GFRA1: variants seen among roughly 807,000 people sequenced by gnomAD.
GFRA1 encodes GDNF family receptor alpha 1.
GFRA1 carries 16 observed loss-of-function variants against 51.6 expected under a neutral mutation model. The ratio of observed to expected loss-of-function variants is 0.31; its 90% CI spans 0.21 to 0.47. The LOEUF is 0.47. GFRA1 is among the 20% of genes least tolerant of loss of function. GFRA1 has a pLI of 1.00. For missense variants in GFRA1, 530 were observed against 594.3 expected, an observed-to-expected ratio of 0.89 and a Z score of 1.13; for synonymous variants, 270 against 241.3, an observed-to-expected ratio of 1.12 and a Z score of -1.10.
At chr10:116,079,730 A>G (rs1955769994) in intron 9 of GFRA1, among the ~76,000 whole-genome samples, 1 of 152,136 alleles carries the variant, frequency 6.6e-6, no homozygotes, top group Non-Finnish European at 1.5e-5. Flanking sequence ...GCCAATGTCG[A>G]GGAAGCCTGG....
At chr10:116,217,502 T>A (rs1965642478) in intron 4 of GFRA1, among the ~76,000 whole-genome samples, 1 of 152,234 alleles carries the variant, frequency 6.6e-6, no homozygotes, top group Admixed American at 6.5e-5. Flanking sequence ...TTTCCTCACT[T>A]GTAAAATGAG....
At chr10:116,111,877 C>T (rs1241340686) in intron 6 of GFRA1, among the ~76,000 whole-genome samples, 1 of 152,182 alleles carries the variant, frequency 6.6e-6, no homozygotes, top group Non-Finnish European at 1.5e-5. Flanking sequence ...CTGAGCCCAC[C>T]CTTCCCCACG....
chr10:116,105,371 C>CTT (rs1956967971), intron 6 of GFRA1, among the ~76,000 whole-genome samples: 1 of 152,136 alleles, frequency 6.6e-6, no homozygotes, highest in African/African-American at 2.4e-5. Flanking sequence ...AACTCTAGAC[C>CTT]AACACAGTGT....
At chr10:116,167,817 A>T (rs1234193361) in intron 5 of GFRA1, among the ~76,000 whole-genome samples, 1 of 152,150 alleles carries the variant, frequency 6.6e-6, no homozygotes, top group Non-Finnish European at 1.5e-5. Context: ...TACATCCATG[A>T]TCCTCAAAGA....
chr10:116,153,580 AT>A, intron 5 of GFRA1, among the ~76,000 whole-genome samples: 1 of 152,286 alleles, frequency 6.6e-6, no homozygotes, highest in African/African-American at 2.4e-5. Flanking sequence ...TTATTTGAGA[AT>A]CCTTTAAAAA....
At chr10:116,162,823 T>C (rs1335563652) in intron 5 of GFRA1, among the ~76,000 whole-genome samples, 2 of 152,194 alleles carry the variant, frequency 1.3e-5, no homozygotes, top group Non-Finnish European at 2.9e-5. Flanking sequence ...AAAAGGACTA[T>C]GACTTAGAAC....
At chr10:116,110,452 C>T (rs1450720469) in intron 6 of GFRA1, among the ~76,000 whole-genome samples, 1 of 152,162 alleles carries the variant, frequency 6.6e-6, no homozygotes, top group Non-Finnish European at 1.5e-5. Context: ...GGACACTCTC[C>T]CTCATGGGTT....
At chr10:116,185,603 G>A (rs1396807331) in intron 5 of GFRA1, among the ~76,000 whole-genome samples, 1 of 152,114 alleles carries the variant, frequency 6.6e-6, no homozygotes, top group Admixed American at 6.5e-5. Flanking sequence ...CTTTGCCTCT[G>A]GGCAGGATAC....
At chr10:116,072,389 T>G (rs931214983) in intron 9 of GFRA1, among the ~76,000 whole-genome samples, 2 of 152,096 alleles carry the variant, frequency 1.3e-5, no homozygotes, top group African/African-American at 4.8e-5. Context: ...GCTGGCTAAA[T>G]GAGTGTCAGT....
At chr10:116,159,081 C>T (rs984128100) in intron 5 of GFRA1, among the ~76,000 whole-genome samples, 1 of 152,196 alleles carries the variant, frequency 6.6e-6, no homozygotes, top group Admixed American at 6.5e-5. Context: ...AACATGCATC[C>T]TGGCTATATT....
chr10:116,251,963 C>CTTTT (rs3032041), intron 4 of GFRA1, among the ~76,000 whole-genome samples: 6,481 of 79,756 alleles, frequency 0.081, 578 homozygotes, highest in Non-Finnish European at 0.092. Flanking sequence ...CAATAGGCCT[C>CTTTT]TTTTTTTTTT....
intron 5 of GFRA1, among the ~76,000 whole-genome samples, chr10:116,182,484 A>T (rs1028378368): frequency 6.6e-6 from 1 of 152,186 alleles, no homozygotes; most frequent in Non-Finnish European, 1.5e-5. Flanking sequence ...TTGCAGAATG[A>T]GCAGATCTGG....
chr10:116,144,174 T>A (rs185754657), intron 5 of GFRA1, among the ~76,000 whole-genome samples: 4 of 152,248 alleles, frequency 2.6e-5, no homozygotes, highest in Non-Finnish European at 4.4e-5. Flanking sequence ...TAAAAGAAAA[T>A]GACTTTCTAG....
intron 5 of GFRA1, among the ~76,000 whole-genome samples, chr10:116,198,601 C>CG (rs1295978223): frequency 1.3e-5 from 2 of 152,172 alleles, no homozygotes; most frequent in African/African-American, 2.4e-5. Flanking sequence ...CAAAGCTACT[C>CG]GCCGTGTTTT....
chr10:116,082,473 T>A (rs1249665114), intron 9 of GFRA1, among the ~76,000 whole-genome samples: 1 of 121,564 alleles, frequency 8.2e-6, no homozygotes, highest in Non-Finnish European at 1.5e-5. Flanking sequence ...TGCTTTTGTT[T>A]TTTTTGTTTT....
At chr10:116,233,988 T>C (rs1966839039) in intron 4 of GFRA1, among the ~76,000 whole-genome samples, 1 of 152,170 alleles carries the variant, frequency 6.6e-6, no homozygotes, top group Non-Finnish European at 1.5e-5. Context: ...TTGGATATGG[T>C]TCCTTTTTTC....
intron 5 of GFRA1, among the ~76,000 whole-genome samples, chr10:116,205,596 G>GAGATAT (rs1964679507): frequency 5.0e-4 from 71 of 140,600 alleles, no homozygotes; most frequent in African/African-American, 1.8e-3. Context: ...AAAAAAAAAA[G>GAGATAT]ATATATATAT....
At chr10:116,181,546 T>C (rs193261673) in intron 5 of GFRA1, among the ~76,000 whole-genome samples, 19 of 152,358 alleles carry the variant, frequency 1.2e-4, no homozygotes, top group Admixed American at 1.2e-3. Flanking sequence ...CGATGAGCTA[T>C]TCATTTTTTC....
chr10:116,241,546 T>A (rs1967382094), intron 4 of GFRA1, among the ~76,000 whole-genome samples: 1 of 152,162 alleles, frequency 6.6e-6, no homozygotes. Flanking sequence ...TATTGCCACA[T>A]GATGCAGATG....
Sources: gnomAD v4.1 joint callset for allele counts (sites outside exome capture counted in the v4.1 genomes callset) on GRCh38, gnomAD v4.1.1 for gene constraint, MANE v1.5 for transcripts, NCBI Gene and HGNC (gene_info 2026-07-23, HGNC 2026-07-21) for gene names.